Variants in TRPV3 observed in about 807,000 individuals in gnomAD.
The protein encoded by TRPV3 is transient receptor potential cation channel subfamily V member 3, also known as VRL-3.
TRPV3 carries 88 observed loss-of-function variants against 87.1 expected under a neutral mutation model. The observed-to-expected ratio is 1.01, with a 90% CI of 0.85 to 1.21. The LOEUF (loss-of-function observed/expected upper bound fraction) is 1.21. Among genes scored for constraint, TRPV3 ranks in the 50% most tolerant of loss-of-function variants. The probability of loss-of-function intolerance (pLI) is 0.00; values close to 1 mark genes in which losing one functional copy is unlikely to be tolerated. For synonymous variants in TRPV3, 438 were observed against 423.3 expected (o/e 1.03, Z -0.43); for missense variants, 1,054 against 1,030.1 (o/e 1.02, Z -0.32).
chr17:3,542,779 C>G, intron 5 of TRPV3, 81 bp from the exon 6 acceptor site: 1 of 1,458,928 alleles, frequency 6.9e-7, no homozygotes. Flanking sequence ...GTGGTTGCTG[C>G]AGCCGCAGAC....
chr17:3,516,423 G>C, intron 16 of TRPV3, 34 bp downstream of exon 16: 1 of 1,562,336 alleles, frequency 6.4e-7, no homozygotes, highest in Non-Finnish European at 8.8e-7. Context: ...CCACCCCAAA[G>C]ACCACCACCC....
chr17:3,543,561 C>G lies in TRPV3; in HGVS notation c.379G>C (p.Val127Leu). Residue 127 changes from valine (V) to leucine (L), a missense_variant, in exon 5 of 18, where the codon GTG (valine) becomes CTG (leucine). Physicochemically the swap from Val to Leu is conservative, Grantham distance 32. Transcript: ENST00000576742. ...RRLKKRIFAA[V>L]SEGCVEELVE... The stretch of plus-strand genomic sequence containing the variant: ...AACTCCTCCACGCAGCCCTCAGACA[C>G]GGCTGCAAAGATGCGCTTCTTCAGC... 1 of 1,614,136 alleles carries G rather than the reference C, an allele frequency of 6.2e-7. No individual in the cohort carries two copies. The highest frequency in any genetic ancestry group is 8.5e-7 in the Non-Finnish European group (1 of 1,180,022).
rs147774782 is a variant in TRPV3, at chr17:3,555,022, C to T, written c.-2-170G>A. The stretch of plus-strand genomic sequence containing the variant: ...CCTTCTTCAAGGACAGAGAAGCTGT[C>T]CCCAAAGCTTCCCCAGCTCCCTGCT... On this transcript the variant is annotated intron_variant, in intron 1 of 17. Coordinates refer to ENST00000576742, the MANE Select transcript of TRPV3 (RefSeq NM_145068.4). Among the ~76,000 whole-genome samples, 244 of 152,292 alleles carry T rather than the reference C, an allele frequency of 1.6e-3. 4 individuals are homozygous for T. In the East Asian group the frequency reaches 0.029, roughly 18 times the overall value.
chr17:3,531,846 C>T (rs1274779718), intron 8 of TRPV3, among the ~76,000 whole-genome samples: 1 of 152,242 alleles, frequency 6.6e-6, no homozygotes, highest in Non-Finnish European at 1.5e-5. Context: ...GGGTCCCAGC[C>T]CTGACCACTT....
chr17:3,535,324 TC>T (rs1167913220), intron 7 of TRPV3, among the ~76,000 whole-genome samples: 1 of 92,936 alleles, frequency 1.1e-5, no homozygotes, highest in Non-Finnish European at 2.2e-5. Context: ...TTCTCCCTCC[TC>T]CCTTCCTTCC....
At position 3,556,356 on chromosome 17, in the gene TRPV3, G is replaced by A. The variant is rs1467013230; in HGVS notation, c.-3+1320C>T. 6.6e-6 allele frequency among the ~76,000 whole-genome samples: 1 copy of A among 151,774 alleles called. No homozygotes were observed. The highest frequency in any genetic ancestry group is 6.6e-5 in the Admixed American group (1 of 15,244). On this transcript the variant is annotated intron_variant, in intron 1 of 17. Coordinates refer to ENST00000576742, the MANE Select transcript of TRPV3 (RefSeq NM_145068.4). The surrounding 1 kb of genome is among the most constrained non-coding windows in gnomAD (Gnocchi z 4.2). ...GGGGCCAGGAGGAGGCTGCTGCAGG[G>A]GCCATAGGGACGGGGAAGGGGGCCA...
chr17:3,519,437 G>A (rs1292865684), intron 14 of TRPV3, among the ~76,000 whole-genome samples: 60 of 133,022 alleles, frequency 4.5e-4, no homozygotes, highest in Non-Finnish European at 7.7e-4. Context: ...TGGATGGATG[G>A]ATGGATGGAT....
chr17:3,520,011 T>C (rs868481399), intron 14 of TRPV3, among the ~76,000 whole-genome samples: 3 of 143,454 alleles, frequency 2.1e-5, no homozygotes, highest in East Asian at 2.0e-4. Context: ...GATGGATGGA[T>C]GGACGGATAG....
At chr17:3,538,810 C>G (rs1406634642) in intron 6 of TRPV3, among the ~76,000 whole-genome samples, 1 of 152,170 alleles carries the variant, frequency 6.6e-6, no homozygotes, top group African/African-American at 2.4e-5. Flanking sequence ...GTCTGGAACT[C>G]CTGACCTCAA....
chr17:3,512,621 G>T lies in TRPV3; in HGVS notation c.*1296C>A, dbSNP rs2074128070. ...TTCACCAGATAACGGCGGCAGAGTG[G>T]ATTTTCTGGTGGTTTCGGCCCCAGT... is the stretch of plus-strand genomic sequence containing the variant. On this transcript the variant is annotated 3_prime_UTR_variant, in exon 18 of 18. Coordinates refer to ENST00000576742, the MANE Select transcript of TRPV3 (RefSeq NM_145068.4). 6.6e-6 allele frequency: 1 copy of T among 151,948 alleles called. No homozygotes were observed. The highest frequency in any genetic ancestry group is 2.4e-5 in the African/African-American group (1 of 41,388). 9.4% of individuals were successfully genotyped at this position (151,948 alleles called of 1,614,324 possible).
chr17:3,544,416 C>G (rs868656170), intron 4 of TRPV3, among the ~76,000 whole-genome samples, 163 bp downstream of exon 4: 1 of 152,212 alleles, frequency 6.6e-6, no homozygotes, highest in Admixed American at 6.5e-5. Flanking sequence ...ATACTCCACT[C>G]CTTCCCCGTA....
chr17:3,549,044 G>A (rs758162804), intron 2 of TRPV3, among the ~76,000 whole-genome samples: 15 of 152,150 alleles, frequency 9.9e-5, no homozygotes, highest in East Asian at 1.9e-4. Flanking sequence ...TAGTCGCTCC[G>A]CAACAACAGC....
intron 8 of TRPV3, among the ~76,000 whole-genome samples, chr17:3,531,201 A>AGCT (rs1051092208): frequency 2.0e-5 from 3 of 152,202 alleles, no homozygotes; most frequent in Non-Finnish European, 4.4e-5. Context: ...CTGGACACAG[A>AGCT]GCTGCTGTCT....
chr17:3,554,673 G>T, intron 2 of TRPV3, 59 bp downstream of exon 2: 2 of 1,233,318 alleles, frequency 1.6e-6, no homozygotes, highest in Non-Finnish European at 2.3e-6. Flanking sequence ...GGGGGTGCCA[G>T]GCCCCCACTC....
At chr17:3,552,746 G>A (rs1360679902) in intron 2 of TRPV3, 1 of 152,290 alleles carries the variant, frequency 6.6e-6, no homozygotes, top group Non-Finnish European at 1.5e-5. Context: ...CTGAGGAAAG[G>A]ACGTGGGATT....
In TRPV3 at chr17:3,535,717, C is replaced by G; in HGVS notation, c.644-4G>C. 1.6e-5 allele frequency: 24 copies of G among 1,500,270 alleles called. No homozygotes were observed. The highest frequency in any genetic ancestry group is 2.1e-5 in the Non-Finnish European group (24 of 1,127,296). The allele number at this position is 1,500,270 out of a possible 1,614,324, so 92.9% of individuals were successfully genotyped here. A position where few individuals can be genotyped will look rare whatever the true frequency, so the allele number is the denominator to read the frequency against. On this transcript the variant is annotated splice_polypyrimidine_tract_variant and splice_region_variant and intron_variant, in intron 6 of 17. Coordinates refer to ENST00000576742, the MANE Select transcript of TRPV3 (RefSeq NM_145068.4). Reference sequence around the variant, plus strand: ...GCGATGTTCAGCGCCGTCTGCCCTGCGGAGCGGGCGGGGACGCGCGGGAGC... The same window carrying G: ...GCGATGTTCAGCGCCGTCTGCCCTGGGGAGCGGGCGGGGACGCGCGGGAGC...
At chr17:3,546,614 G>A (rs2074528401) in intron 2 of TRPV3, 1 of 455,838 alleles carries the variant, frequency 2.2e-6, no homozygotes, top group Non-Finnish European at 4.4e-6. Flanking sequence ...TTGGAGACAT[G>A]TGGCTTCTAT....
intron 6 of TRPV3, chr17:3,539,698 T>G (rs940891321): frequency 2.0e-5 from 3 of 151,732 alleles, no homozygotes; most frequent in Admixed American, 1.3e-4. Flanking sequence ...AAAAAGAAAC[T>G]GTTATATTGA....
chr17:3,536,468 A>G (rs1024390133), intron 6 of TRPV3, among the ~76,000 whole-genome samples: 1 of 152,130 alleles, frequency 6.6e-6, no homozygotes, highest in African/African-American at 2.4e-5. Context: ...CATGCCTGTA[A>G]TCCCAGCTAC....
Sources: allele counts gnomAD v4.1 joint callset (sites outside exome capture counted in the v4.1 genomes callset), GRCh38; gene constraint gnomAD v4.1.1; non-coding constraint Gnocchi (gnomAD v3.1); transcripts MANE v1.5; gene names NCBI Gene and HGNC (gene_info 2026-07-23, HGNC 2026-07-21).